ACYP2: variants seen among roughly 807,000 people sequenced by gnomAD.
ACYP2 encodes acylphosphatase 2, also known as acylphosphatase-2.
ACYP2 carries 12 observed loss-of-function variants against 11.2 expected under a neutral mutation model. The observed-to-expected ratio is 1.08, with a 90% CI of 0.69 to 1.74. The LOEUF (loss-of-function observed/expected upper bound fraction) is 1.74, where lower values mean the gene tolerates loss of function less well. Ranked by LOEUF, ACYP2 falls within the 40% of genes most tolerant of loss-of-function variation. The probability of loss-of-function intolerance (pLI) is 0.00; values close to 1 mark genes in which losing one functional copy is unlikely to be tolerated. For missense variants in ACYP2, 134 were observed against 101.9 expected, an observed-to-expected ratio of 1.31 and a Z score of -1.35; for synonymous variants, 43 against 32.2, an observed-to-expected ratio of 1.33 and a Z score of -1.13.
At chr2:53,973,909 T>A (rs868159738) in intron 2 of ACYP2, 26,214 of 69,948 alleles carry the variant, frequency 0.37, 4,508 homozygotes, top group South Asian at 0.53. Flanking sequence ...GTGTATATAT[T>A]TTTTTTTTTT....
At chr2:54,093,695 C>T (rs548830853) in intron 4 of ACYP2, among the ~76,000 whole-genome samples, 14 of 152,130 alleles carry the variant, frequency 9.2e-5, no homozygotes, top group Non-Finnish European at 1.9e-4. Flanking sequence ...AATTCCAGCA[C>T]TTCGGGAGGC....
chr2:54,145,673 G>A (rs962280187), intron 6 of ACYP2, among the ~76,000 whole-genome samples: 2 of 151,916 alleles, frequency 1.3e-5, no homozygotes, highest in African/African-American at 4.8e-5. Flanking sequence ...TTATTCACCT[G>A]TAAATTTGGT....
At chr2:54,126,896 G>C (rs1266554333) in intron 4 of ACYP2, among the ~76,000 whole-genome samples, 1 of 151,290 alleles carries the variant, frequency 6.6e-6, no homozygotes, top group Non-Finnish European at 1.5e-5. Context: ...GGAGGTTGCA[G>C]TGAGCCGAGA....
At chr2:54,065,376 T>C in intron 4 of ACYP2, 1 of 397,564 alleles carries the variant, frequency 2.5e-6, no homozygotes, top group Non-Finnish European at 4.4e-6. Flanking sequence ...CTGATCAAAA[T>C]GATTTTTCTA....
intron 6 of ACYP2, among the ~76,000 whole-genome samples, chr2:54,245,842 T>A (rs1271906013): frequency 1.3e-5 from 2 of 152,190 alleles, no homozygotes; most frequent in Non-Finnish European, 2.9e-5. Context: ...TTTCTTTTGA[T>A]GTGCGGAAGC....
chr2:54,121,367 C>G (rs527267730), intron 4 of ACYP2, among the ~76,000 whole-genome samples: 1 of 152,310 alleles, frequency 6.6e-6, no homozygotes, highest in South Asian at 2.1e-4. Flanking sequence ...AGGAAGTTCT[C>G]ACTCTGGTTG....
chr2:54,164,803 A>T (rs576032387), intron 6 of ACYP2, among the ~76,000 whole-genome samples: 1 of 152,040 alleles, frequency 6.6e-6, no homozygotes, highest in Non-Finnish European at 1.5e-5. Flanking sequence ...TCAACTTATC[A>T]TCTAGTTTTT....
At chr2:54,067,529 T>C (rs920318627) in intron 4 of ACYP2, among the ~76,000 whole-genome samples, 1 of 152,214 alleles carries the variant, frequency 6.6e-6, no homozygotes, top group Non-Finnish European at 1.5e-5. Context: ...ACTAGGAGAA[T>C]ATATTTAGAG....
At chr2:54,004,137 C>A (rs996442647) in intron 2 of ACYP2, among the ~76,000 whole-genome samples, 18 of 152,154 alleles carry the variant, frequency 1.2e-4, no homozygotes, top group Non-Finnish European at 2.1e-4. Flanking sequence ...ACATGCGCCG[C>A]CATGCCCAGC....
Position 54,078,971 on chromosome 2 carries a change from A to T in ACYP2, c.277+21611A>T, listed in dbSNP as rs559353769. Among the ~76,000 whole-genome samples, 3 of 152,320 alleles carry T rather than the reference A, an allele frequency of 2.0e-5. No individual in the cohort carries two copies. In the South Asian group the frequency reaches 6.2e-4, roughly 32 times the overall value. On this transcript the variant is annotated intron_variant, in intron 4 of 6. Transcript: ENST00000607452. ...ACTCCTTGAAGGGTATGCCGTAGGC[A>T]TATATTGTTTGTTTACTGAATGAGT...
chr2:54,256,795 C>T (rs965955950), intron 6 of ACYP2, among the ~76,000 whole-genome samples: 3 of 151,660 alleles, frequency 2.0e-5, no homozygotes, highest in African/African-American at 7.3e-5. Context: ...GCGCCCACCA[C>T]CATGCCCGGT....
At chr2:54,155,335 A>G (rs150833158) in intron 6 of ACYP2, among the ~76,000 whole-genome samples, 6 of 151,884 alleles carry the variant, frequency 4.0e-5, no homozygotes, top group Middle Eastern at 3.4e-3. Flanking sequence ...TCCTTCTGCT[A>G]CATTTAGGCT....
intron 6 of ACYP2, among the ~76,000 whole-genome samples, chr2:54,157,431 AATT>A (rs1682482410): frequency 6.6e-6 from 1 of 152,164 alleles, no homozygotes; most frequent in Admixed American, 6.6e-5. Flanking sequence ...TTTATAGACA[AATT>A]ATAATTTATT....
intron 6 of ACYP2, among the ~76,000 whole-genome samples, chr2:54,195,649 AAAC>A (rs1453111331): frequency 4.3e-5 from 6 of 138,572 alleles, no homozygotes; most frequent in African/African-American, 1.1e-4. Flanking sequence ...AAAAAAAAAA[AAAC>A]AAAACACTGT....
At chr2:54,155,646 T>G (rs1682397367) in intron 6 of ACYP2, among the ~76,000 whole-genome samples, 2 of 152,232 alleles carry the variant, frequency 1.3e-5, no homozygotes, top group Admixed American at 6.5e-5. Context: ...CCTGAAACCC[T>G]ACCTGCTTCC....
chr2:54,201,638 C>T (rs13024714), intron 6 of ACYP2, among the ~76,000 whole-genome samples: 2,680 of 59,622 alleles, frequency 0.045, 98 homozygotes, highest in Non-Finnish European at 0.06. Flanking sequence ...CTTTCTTTCT[C>T]TTTCTTTCTT....
intron 6 of ACYP2, among the ~76,000 whole-genome samples, chr2:54,147,600 C>T (rs1481307119): frequency 1.3e-5 from 2 of 152,168 alleles, no homozygotes; most frequent in African/African-American, 4.8e-5. Context: ...TCATAGCTCA[C>T]TGCAGCCTTG....
intron 6 of ACYP2, among the ~76,000 whole-genome samples, chr2:54,240,557 T>G (rs1177431567): frequency 2.0e-5 from 3 of 152,216 alleles, no homozygotes; most frequent in African/African-American, 7.2e-5. Flanking sequence ...TTTCTCATTC[T>G]CCAACTTTTA....
chr2:53,972,232 A>T (rs1332958681), intron 1 of ACYP2, among the ~76,000 whole-genome samples: 4 of 139,380 alleles, frequency 2.9e-5, no homozygotes, highest in South Asian at 2.3e-4. Flanking sequence ...ATCGCTTGAA[A>T]CCGGAAGGCG....
Sources: allele counts gnomAD v4.1 joint callset (sites outside exome capture counted in the v4.1 genomes callset), GRCh38; gene constraint gnomAD v4.1.1; transcripts MANE v1.5; gene names NCBI Gene and HGNC (gene_info 2026-07-23, HGNC 2026-07-21).